Variants in ARHGAP28 observed in about 807,000 individuals in gnomAD.
The protein encoded by ARHGAP28 is rho GTPase-activating protein 28.
Under a neutral mutation model 90.7 loss-of-function variants are expected in ARHGAP28, and 56 were observed. The ratio of observed to expected loss-of-function variants is 0.62; its 90% CI spans 0.50 to 0.77. ARHGAP28 has a LOEUF of 0.77. Ranked by LOEUF, ARHGAP28 falls within the 30% of genes least tolerant of loss-of-function variation. ARHGAP28 has a pLI of 0.00. For synonymous variants in ARHGAP28, 308 were observed against 323.3 expected, an observed-to-expected ratio of 0.95 and a Z score of 0.51; for missense variants, 869 against 900.9, an observed-to-expected ratio of 0.96 and a Z score of 0.45.
At chr18:6,764,391 G>C (rs1285946557) in intron 1 of ARHGAP28, among the ~76,000 whole-genome samples, 1 of 152,184 alleles carries the variant, frequency 6.6e-6, no homozygotes, top group Admixed American at 6.5e-5. Flanking sequence ...GCATTATCGA[G>C]GTTTCAGGCA....
Position 6,729,862 on chromosome 18 carries a change from A to G in ARHGAP28, c.41A>G (p.Tyr14Cys), listed in dbSNP as rs945686311. 1.1e-5 allele frequency: 16 copies of G among 1,434,972 alleles called. No homozygotes were observed. The highest frequency in any genetic ancestry group is 8.4e-5 in the South Asian group (6 of 71,588). The allele number at this position is 1,434,972 out of a possible 1,614,324, so 88.9% of individuals were successfully genotyped here. The stretch of plus-strand genomic sequence containing the variant: ...TCGGGCGGCGTGGTGCTGACCGCCT[A>G]CCACTCGTACGCGCGCGCCCAGCCC... The part of the protein sequence containing the change: ...EDSGGVVLTA[Y>C]HSYARAQPPN... Residue 14 changes from tyrosine to cysteine, a missense_variant, in exon 1 of 18, where the codon TAC becomes TGC. Tyr to Cys is a radical substitution (Grantham distance 194). Transcript: ENST00000383472.
At chr18:6,841,120 T>C (rs947856424) in intron 3 of ARHGAP28, among the ~76,000 whole-genome samples, 3 of 143,578 alleles carry the variant, frequency 2.1e-5, no homozygotes, top group Admixed American at 1.4e-4. Flanking sequence ...GTCCTTCTCT[T>C]CTCTCTCTCT....
intron 10 of ARHGAP28, among the ~76,000 whole-genome samples, chr18:6,877,936 A>G (rs1035016245): frequency 1.3e-5 from 2 of 151,986 alleles, no homozygotes; most frequent in East Asian, 3.9e-4. Flanking sequence ...ATTTGCACAT[A>G]TTCTTACTGG....
At chr18:6,837,598 C>A (rs2056764308) in intron 3 of ARHGAP28, among the ~76,000 whole-genome samples, 184 bp downstream of exon 3, 1 of 152,120 alleles carries the variant, frequency 6.6e-6, no homozygotes, top group African/African-American at 2.4e-5. Context: ...GTGATCATTT[C>A]TTATCTCCTG....
At chr18:6,834,405 G>A (rs938598058) in intron 2 of ARHGAP28, 8 of 152,004 alleles carry the variant, frequency 5.3e-5, no homozygotes, top group African/African-American at 1.9e-4. Flanking sequence ...GTAATTATGA[G>A]GTCAAGTAGA....
chr18:6,901,300 A>G (rs1205748194), intron 16 of ARHGAP28, among the ~76,000 whole-genome samples: 1 of 152,200 alleles, frequency 6.6e-6, no homozygotes, highest in Non-Finnish European at 1.5e-5. Flanking sequence ...ATCATCTGAT[A>G]CATTGCTCAG....
chr18:6,882,853 A>G (rs2057189709), intron 11 of ARHGAP28, among the ~76,000 whole-genome samples: 1 of 152,230 alleles, frequency 6.6e-6, no homozygotes, highest in African/African-American at 2.4e-5. Context: ...TAGGCCTTTA[A>G]GTGAAGTATG....
At chr18:6,889,761 A>T in intron 12 of ARHGAP28, 127 bp from the exon 13 acceptor site, 1 of 807,980 alleles carries the variant, frequency 1.2e-6, no homozygotes, top group Non-Finnish European at 2.0e-6. Context: ...GAAACATGGT[A>T]CGTTTAACCA....
At chr18:6,906,103 TA>T (rs969292890) in intron 16 of ARHGAP28, among the ~76,000 whole-genome samples, 13 of 151,750 alleles carry the variant, frequency 8.6e-5, no homozygotes, top group Admixed American at 5.9e-4. Flanking sequence ...AAAAGAAAAA[TA>T]AAGTAGGAGG....
chr18:6,869,253 CTTTTTTTTTT>C (rs61280250), intron 6 of ARHGAP28, among the ~76,000 whole-genome samples: 2 of 68,040 alleles, frequency 2.9e-5, no homozygotes, highest in East Asian at 4.7e-4. Context: ...TTTTGCCATT[CTTTTTTTTTT>C]TTTTTTTTTT....
At chr18:6,803,982 T>C (rs2056501312) in intron 1 of ARHGAP28, among the ~76,000 whole-genome samples, 1 of 152,152 alleles carries the variant, frequency 6.6e-6, no homozygotes, top group Admixed American at 6.5e-5. Flanking sequence ...GGTTTCACCG[T>C]ATTAGTCAGG....
chr18:6,753,939 T>C (rs1242869754), intron 1 of ARHGAP28, among the ~76,000 whole-genome samples: 5 of 152,238 alleles, frequency 3.3e-5, no homozygotes, highest in Non-Finnish European at 7.3e-5. Flanking sequence ...GCTCAAATTC[T>C]GGTCTGCACT....
intron 11 of ARHGAP28, among the ~76,000 whole-genome samples, chr18:6,883,341 C>T (rs937602790): frequency 4.0e-5 from 6 of 151,718 alleles, no homozygotes; most frequent in Non-Finnish European, 7.4e-5. Context: ...GGGATTCAAG[C>T]GATTCTCCTG....
rs1306735956 is a variant in ARHGAP28 at position 6,913,755 on chromosome 18, C to G, written c.*1601C>G. ...GAGAATTTTTTTTTTTGCCTGAAAACCCATTAAAAGAAAACGTGCCTTCTG... is the reference window on the plus strand; with the variant it reads ...GAGAATTTTTTTTTTTGCCTGAAAAGCCATTAAAAGAAAACGTGCCTTCTG... On this transcript the variant is annotated 3_prime_UTR_variant, in exon 18 of 18. Coordinates refer to ENST00000383472, the MANE Select transcript of ARHGAP28 (RefSeq NM_001366230.1). 1 of 150,188 alleles carries G rather than the reference C, an allele frequency of 6.7e-6. No homozygotes were observed. Among genetic ancestry groups the G allele is most frequent in the Non-Finnish European group, 1.5e-5 (1 of 67,734 alleles). The allele number at this position is 150,188 out of a possible 1,614,324, so 9.3% of individuals were successfully genotyped here. A position where few individuals can be genotyped will look rare whatever the true frequency, so the allele number is the denominator to read the frequency against.
At chr18:6,763,282 C>T (rs1236676848) in intron 1 of ARHGAP28, among the ~76,000 whole-genome samples, 1 of 152,002 alleles carries the variant, frequency 6.6e-6, no homozygotes, top group African/African-American at 2.4e-5. Flanking sequence ...GGGGTTTCAC[C>T]ACGTTGGCCA....
chr18:6,803,831 T>A (rs755965522), intron 1 of ARHGAP28, among the ~76,000 whole-genome samples: 3 of 152,064 alleles, frequency 2.0e-5, no homozygotes, highest in Non-Finnish European at 4.4e-5. Context: ...CAGGCTGGAG[T>A]GCAGTGGCGC....
chr18:6,899,430 T>A (rs1253277423), intron 16 of ARHGAP28, among the ~76,000 whole-genome samples: 1 of 151,886 alleles, frequency 6.6e-6, no homozygotes, highest in African/African-American at 2.4e-5. Context: ...CAGGCACAGA[T>A]GAAAAAGAGC....
chr18:6,734,042 A>T (rs1182546312), intron 1 of ARHGAP28, among the ~76,000 whole-genome samples: 1 of 152,232 alleles, frequency 6.6e-6, no homozygotes, highest in Non-Finnish European at 1.5e-5. Context: ...AGTCATAAGT[A>T]TTTGTTGGGA....
chr18:6,801,546 G>C (rs1340269221), intron 1 of ARHGAP28, among the ~76,000 whole-genome samples: 1 of 152,098 alleles, frequency 6.6e-6, no homozygotes, highest in Non-Finnish European at 1.5e-5. Context: ...AGCCTGCTAG[G>C]ATTTTGGTAG....
Sources: gnomAD v4.1 joint callset for allele counts (sites outside exome capture counted in the v4.1 genomes callset) on GRCh38, gnomAD v4.1.1 for gene constraint, MANE v1.5 for transcripts, NCBI Gene and HGNC (gene_info 2026-07-23, HGNC 2026-07-21) for gene names.